Variants in UBE2F observed in about 807,000 individuals in gnomAD.
UBE2F encodes the protein NEDD8-conjugating enzyme UBE2F.
A neutral mutation model predicts 29.6 loss-of-function variants in UBE2F; 5 were observed. That is an observed-to-expected ratio of 0.17 (90% CI 0.09 to 0.36). The LOEUF is 0.36. Among genes scored for constraint, UBE2F ranks in the 10% least tolerant of loss-of-function variants. UBE2F has a pLI of 1.00. For missense variants in UBE2F, 141 were observed against 228.5 expected, an observed-to-expected ratio of 0.62 and a Z score of 2.47; for synonymous variants, 66 against 81.8, an observed-to-expected ratio of 0.81 and a Z score of 1.04.
At chr2:237,974,315 C>T (rs1279668038) in intron 2 of UBE2F, among the ~76,000 whole-genome samples, 3 of 152,050 alleles carry the variant, frequency 2.0e-5, no homozygotes, top group Admixed American at 6.6e-5. Flanking sequence ...CTCAGACTCT[C>T]GAGTAGCTGG....
At chr2:238,011,888 C>G (rs953744601) in intron 4 of UBE2F, among the ~76,000 whole-genome samples, 18 of 151,590 alleles carry the variant, frequency 1.2e-4, no homozygotes, top group African/African-American at 4.4e-4. Flanking sequence ...AAAGTATTTT[C>G]TTTTTTTTGA....
intron 3 of UBE2F, 56 bp from the exon 4 acceptor site, chr2:237,994,688 A>C: frequency 7.0e-7 from 1 of 1,421,844 alleles, no homozygotes; most frequent in Non-Finnish European, 9.9e-7. Context: ...GGTTAGCGTC[A>C]ACATATGGAC....
Position 237,996,950 on chromosome 2 carries a change from G to A in UBE2F, c.214+2141G>A, listed in dbSNP as rs926272104. Reference sequence around the variant, plus strand: ...TAAAAAGTAACCTGTGGCTGGGCCCGGTGGCTCATGCCTGTAATTCCCGCA... The same window carrying A: ...TAAAAAGTAACCTGTGGCTGGGCCCAGTGGCTCATGCCTGTAATTCCCGCA... On this transcript the variant is annotated intron_variant, in intron 4 of 9. Transcript: ENST00000272930. 2.6e-5 allele frequency among the ~76,000 whole-genome samples: 4 copies of A among 152,130 alleles called. 1 individual carries two copies. The highest frequency in any genetic ancestry group is 4.8e-5 in the African/African-American group (2 of 41,420).
At chr2:237,974,509 T>C (rs1234642252) in intron 2 of UBE2F, among the ~76,000 whole-genome samples, 1 of 117,656 alleles carries the variant, frequency 8.5e-6, no homozygotes, top group African/African-American at 3.3e-5. Flanking sequence ...TGGTTTTTTT[T>C]TTTTTGTTTT....
At chr2:238,036,042 T>G in intron 9 of UBE2F, 102 bp downstream of exon 9, 2 of 1,046,806 alleles carry the variant, frequency 1.9e-6, no homozygotes, top group Non-Finnish European at 2.9e-6. Flanking sequence ...ACCAAGAGAG[T>G]GGTGGGATGC....
chr2:238,028,236 G>A (rs1463484925), intron 6 of UBE2F, among the ~76,000 whole-genome samples: 2 of 152,186 alleles, frequency 1.3e-5, no homozygotes, highest in African/African-American at 4.8e-5. Context: ...CCCATTACCT[G>A]CCCCAGCCAG....
At chr2:237,994,273 G>A (rs1008767636) in intron 3 of UBE2F, among the ~76,000 whole-genome samples, 1 of 152,028 alleles carries the variant, frequency 6.6e-6, no homozygotes. Flanking sequence ...ACCATGCCTG[G>A]CCAGCACCCT....
At chr2:238,007,815 CCTGT>C (rs1426442316) in intron 4 of UBE2F, among the ~76,000 whole-genome samples, 7 of 152,072 alleles carry the variant, frequency 4.6e-5, no homozygotes, top group Non-Finnish European at 8.8e-5. Flanking sequence ...CAAATCCTTA[CCTGT>C]CTGTGAGGGA....
intron 2 of UBE2F, among the ~76,000 whole-genome samples, chr2:237,974,563 G>T (rs1466703789): frequency 6.9e-6 from 1 of 145,826 alleles, no homozygotes; most frequent in Non-Finnish European, 1.5e-5. Flanking sequence ...ACCCAGGCTG[G>T]AGTGCAGTGG....
chr2:238,026,846 T>C (rs948391347), intron 6 of UBE2F, among the ~76,000 whole-genome samples: 2 of 152,216 alleles, frequency 1.3e-5, no homozygotes, highest in Admixed American at 1.3e-4. Flanking sequence ...AAAAATACAT[T>C]TTACCAGACA....
intron 2 of UBE2F, among the ~76,000 whole-genome samples, chr2:237,984,407 T>G (rs1033273945): frequency 3.3e-4 from 50 of 152,272 alleles, no homozygotes; most frequent in African/African-American, 1.2e-3. Flanking sequence ...TGCTGTTGTT[T>G]TGGGACCTTT....
chr2:237,974,174 T>TG (rs1412183229), intron 2 of UBE2F, among the ~76,000 whole-genome samples: 2 of 148,580 alleles, frequency 1.3e-5, no homozygotes, highest in African/African-American at 5.1e-5. Context: ...TTTTTTTTTT[T>TG]GAGATGGAAT....
chr2:238,004,283 C>T (rs913722285), intron 4 of UBE2F, among the ~76,000 whole-genome samples: 3 of 152,126 alleles, frequency 2.0e-5, no homozygotes, highest in African/African-American at 7.2e-5. Context: ...GTTGAAAAAA[C>T]TTTACTCATG....
intron 3 of UBE2F, among the ~76,000 whole-genome samples, chr2:237,991,649 C>G (rs1170554751): frequency 2.3e-5 from 2 of 86,676 alleles, no homozygotes; most frequent in Non-Finnish European, 4.4e-5. Context: ...GTCACCCAGG[C>G]TGGAATGCAG....
chr2:237,979,485 G>A (rs149264483), intron 2 of UBE2F, among the ~76,000 whole-genome samples: 94 of 152,350 alleles, frequency 6.2e-4, no homozygotes, highest in African/African-American at 2.0e-3. Context: ...GTCCTGGCGC[G>A]GAAGTCTAGC....
intron 6 of UBE2F, among the ~76,000 whole-genome samples, chr2:238,028,549 C>G (rs181325387): frequency 1.1e-3 from 166 of 152,350 alleles, no homozygotes; most frequent in African/African-American, 3.7e-3. Context: ...CAATTCAGAT[C>G]CACAAGTCAC....
At chr2:238,024,234 AAGAC>A (rs796393833) in intron 5 of UBE2F, among the ~76,000 whole-genome samples, 107 of 152,288 alleles carry the variant, frequency 7.0e-4, no homozygotes, top group African/African-American at 2.4e-3. Context: ...ACAAAAGTGA[AAGAC>A]AGCAGAATTT....
At chr2:237,984,981 G>A (rs1322519550) in intron 2 of UBE2F, among the ~76,000 whole-genome samples, 1 of 128,182 alleles carries the variant, frequency 7.8e-6, no homozygotes, top group African/African-American at 3.0e-5. Flanking sequence ...GAGGTTGGGA[G>A]GTTGTGGAAA....
chr2:237,978,010 G>A (rs1444762028), intron 2 of UBE2F, among the ~76,000 whole-genome samples: 2 of 152,100 alleles, frequency 1.3e-5, no homozygotes, highest in Non-Finnish European at 2.9e-5. Context: ...GCAGGCAGAG[G>A]GAGACTCAAG....
Sources: gnomAD v4.1 joint callset for allele counts (sites outside exome capture counted in the v4.1 genomes callset) on GRCh38, gnomAD v4.1.1 for gene constraint, MANE v1.5 for transcripts, NCBI Gene and HGNC (gene_info 2026-07-23, HGNC 2026-07-21) for gene names.